The following ULK2 variants were observed in gnomAD, a reference collection of about 807,000 sequenced individuals.
The protein encoded by ULK2 is serine/threonine-protein kinase ULK2.
In ULK2, 76 loss-of-function variants were observed where a neutral mutation model predicts 127.5. The observed-to-expected ratio is 0.60, with a 90% confidence interval of 0.50 to 0.72. The LOEUF (loss-of-function observed/expected upper bound fraction) is 0.72, where lower values mean the gene tolerates loss of function less well. Among genes scored for constraint, ULK2 ranks in the 30% least tolerant of loss-of-function variants. The probability of loss-of-function intolerance (pLI) is 0.00; values close to 1 mark genes in which losing one functional copy is unlikely to be tolerated. For missense variants in ULK2, 1,144 were observed against 1,295.9 expected (o/e 0.88, Z 1.80); for synonymous variants, 452 against 461.9 (o/e 0.98, Z 0.28).
Position 19,799,513 on chromosome 17 carries a change from T to C in ULK2, c.1504A>G (p.Arg502Gly). Reference sequence around the variant, plus strand: ...ATCCTACCTGAGGAGTTTCTACTCCTGGAGTCATGGCCCTGAGGATGCCCA... The same window carrying C: ...ATCCTACCTGAGGAGTTTCTACTCCCGGAGTCATGGCCCTGAGGATGCCCA... Reference protein sequence around the residue: ...CCGHPQGHDSRSRNSSGSPVP... With the variant: ...CCGHPQGHDSGSRNSSGSPVP... The change falls in exon 17 of 27, where the codon AGG (arginine) becomes GGG (glycine). Residue 502 changes from arginine (R) to glycine (G), a missense_variant. By Grantham distance (125) the Arg-to-Gly change is moderately radical. Transcript: ENST00000395544. 6.3e-7 allele frequency: 1 copy of C among 1,583,028 alleles called. No homozygotes were observed. Among genetic ancestry groups the C allele is most frequent in the Non-Finnish European group, 8.5e-7 (1 of 1,170,588 alleles).
chr17:19,848,147 G>GA (rs1291118225), intron 5 of ULK2: 1 of 151,904 alleles, frequency 6.6e-6, no homozygotes, highest in Non-Finnish European at 1.5e-5. Context: ...ATTAAAAAAA[G>GA]AAAAAAATTA....
Position 19,776,194 on chromosome 17 carries a change from G to C in ULK2, c.*155C>G. The C allele has an allele frequency of 1.7e-6, 1 of 600,516 alleles. No individual in the cohort carries two copies. Among genetic ancestry groups the C allele is most frequent in the Non-Finnish European group, 2.8e-6 (1 of 360,832 alleles). The allele number at this position is 600,516 out of a possible 1,614,324, so 37.2% of individuals were successfully genotyped here. A position where few individuals can be genotyped will look rare whatever the true frequency, so the allele number is the denominator to read the frequency against. On this transcript the variant is annotated 3_prime_UTR_variant, in exon 27 of 27. Transcript: ENST00000395544. Reference sequence around the variant, plus strand: ...GATTTCCTACAAATATGTAGTTTTTGGATTGTTTTTCCTTTTTCAAATCAC... The same window carrying C: ...GATTTCCTACAAATATGTAGTTTTTCGATTGTTTTTCCTTTTTCAAATCAC...
chr17:19,860,590 T>C (rs1325796429), intron 3 of ULK2, among the ~76,000 whole-genome samples: 2 of 151,006 alleles, frequency 1.3e-5, no homozygotes, highest in African/African-American at 2.4e-5. Context: ...AATGGCGCGA[T>C]CTCGGCTCAC....
intron 12 of ULK2, among the ~76,000 whole-genome samples, chr17:19,817,492 T>C (rs1228408209): frequency 2.0e-5 from 3 of 152,176 alleles, no homozygotes; most frequent in African/African-American, 7.2e-5. Context: ...TGTGTTCCTC[T>C]TGTTTTTGTT....
chr17:19,867,020 C>T (rs1190751005), intron 1 of ULK2, among the ~76,000 whole-genome samples: 1 of 152,192 alleles, frequency 6.6e-6, no homozygotes, highest in Non-Finnish European at 1.5e-5. Flanking sequence ...CTGCACGGTG[C>T]AGTACCGTCT....
intron 3 of ULK2, among the ~76,000 whole-genome samples, chr17:19,862,424 T>G (rs1227636375): frequency 6.6e-6 from 1 of 151,394 alleles, no homozygotes; most frequent in Non-Finnish European, 1.5e-5. Context: ...ATAACATGAG[T>G]TTAGTTACTT....
intron 3 of ULK2, among the ~76,000 whole-genome samples, chr17:19,859,172 G>C (rs2042191443): frequency 6.6e-6 from 1 of 151,956 alleles, no homozygotes; most frequent in African/African-American, 2.4e-5. Flanking sequence ...TATTTTCCTA[G>C]TGTGAGATTA....
chr17:19,827,276 G>C (rs534545095), intron 10 of ULK2, among the ~76,000 whole-genome samples: 1 of 152,268 alleles, frequency 6.6e-6, no homozygotes, highest in Middle Eastern at 3.4e-3. Context: ...GAGGAAGTAT[G>C]TCCTCCTATG....
intron 3 of ULK2, among the ~76,000 whole-genome samples, chr17:19,863,524 G>A (rs1349116266): frequency 7.0e-6 from 1 of 142,776 alleles, no homozygotes; most frequent in African/African-American, 2.6e-5. Flanking sequence ...TTTAAGAGAC[G>A]ATCTTGCTCT....
chr17:19,838,824 G>A (rs540654008), intron 9 of ULK2, among the ~76,000 whole-genome samples: 57 of 151,750 alleles, frequency 3.8e-4, no homozygotes, highest in African/African-American at 1.3e-3. Context: ...TCAGGAGATC[G>A]AGACCATCCT....
intron 11 of ULK2, among the ~76,000 whole-genome samples, chr17:19,825,408 G>A (rs904444758): frequency 1.3e-5 from 2 of 152,100 alleles, no homozygotes; most frequent in African/African-American, 2.4e-5. Context: ...AAACACAACC[G>A]TAGGTATCTA....
At chr17:19,795,123 C>G (rs142476492) in intron 20 of ULK2, among the ~76,000 whole-genome samples, 1 of 151,748 alleles carries the variant, frequency 6.6e-6, no homozygotes, top group African/African-American at 2.4e-5. Flanking sequence ...GTCTGGAATA[C>G]GGAATTACAG....
At chr17:19,794,413 C>T (rs750091985) in intron 20 of ULK2, among the ~76,000 whole-genome samples, 1 of 151,940 alleles carries the variant, frequency 6.6e-6, no homozygotes, top group African/African-American at 2.4e-5. Context: ...AACAAAACCA[C>T]GGACCTAGGA....
chr17:19,822,264 C>T (rs187052517), intron 12 of ULK2, among the ~76,000 whole-genome samples: 27 of 152,136 alleles, frequency 1.8e-4, no homozygotes, highest in Admixed American at 1.4e-3. Context: ...GGATTACAGG[C>T]GTGAGCCACT....
intron 22 of ULK2, among the ~76,000 whole-genome samples, chr17:19,783,364 A>G (rs1474153395): frequency 6.6e-6 from 1 of 151,766 alleles, no homozygotes; most frequent in Non-Finnish European, 1.5e-5. Flanking sequence ...AGGCAGGAGA[A>G]TTGCTTGAAC....
At chr17:19,778,895 A>G (rs185787716) in intron 25 of ULK2, among the ~76,000 whole-genome samples, 79 of 152,354 alleles carry the variant, frequency 5.2e-4, no homozygotes, top group African/African-American at 1.7e-3. Flanking sequence ...AGCAGCCAGG[A>G]CGAACGGAGG....
chr17:19,804,753 C>A lies in ULK2; in HGVS notation c.1235G>T (p.Arg412Leu). The change falls in exon 15 of 27, where the codon CGC (arginine) becomes CTC (leucine). Residue 412 changes from arginine (R) to leucine (L), a missense_variant. Physicochemically the swap from Arg to Leu is moderately radical, Grantham distance 102. Coordinates refer to ENST00000395544, the MANE Select transcript of ULK2 (RefSeq NM_014683.4). ...AGTAGATGTAAGATTCTGCTCTATG[C>A]GCTGATAATTCCTTATTTGAGTAGG... ...PVPTQIRNYQ[R>L]IEQNLTSTAS... The A allele has an allele frequency of 6.2e-7, 1 of 1,612,608 alleles. No homozygotes were observed. Among genetic ancestry groups the A allele is most frequent in the East Asian group, 2.2e-5 (1 of 44,816 alleles).
At chr17:19,793,143 T>C (rs2087193267) in intron 20 of ULK2, among the ~76,000 whole-genome samples, 1 of 152,130 alleles carries the variant, frequency 6.6e-6, no homozygotes, top group Non-Finnish European at 1.5e-5. Context: ...GGCACTTTCT[T>C]GACAAGGCAG....
intron 11 of ULK2, 127 bp from the exon 12 acceptor site, chr17:19,825,309 A>G: frequency 1.4e-6 from 1 of 695,372 alleles, no homozygotes; most frequent in Non-Finnish European, 2.4e-6. Flanking sequence ...CCTATTTATT[A>G]CCACATCTGC....
Sources: gnomAD v4.1 joint callset for allele counts (sites outside exome capture counted in the v4.1 genomes callset) on GRCh38, gnomAD v4.1.1 for gene constraint, MANE v1.5 for transcripts, NCBI Gene and HGNC (gene_info 2026-07-23, HGNC 2026-07-21) for gene names.